Variants in SRBD1 observed in about 807,000 individuals in gnomAD.
SRBD1 encodes S1 RNA-binding domain-containing protein 1.
In SRBD1, 88 loss-of-function variants were observed where a neutral mutation model predicts 115.3. The observed-to-expected ratio is 0.76, with a 90% CI of 0.64 to 0.91. The LOEUF is 0.91. SRBD1 is among the 40% of genes least tolerant of loss of function. SRBD1 has a pLI of 0.00. For synonymous variants in SRBD1, 509 were observed against 407.7 expected (o/e 1.25, Z -2.99); for missense variants, 1,385 against 1,177.4 (o/e 1.18, Z -2.58).
intron 14 of SRBD1, among the ~76,000 whole-genome samples, chr2:45,490,110 C>T (rs551296712): frequency 6.6e-4 from 100 of 152,118 alleles, no homozygotes; most frequent in African/African-American, 9.9e-4. Context: ...ATTTACATTA[C>T]GCTTATCTTC....
At chr2:45,454,083 T>C (rs1463953251) in intron 16 of SRBD1, among the ~76,000 whole-genome samples, 2 of 151,956 alleles carry the variant, frequency 1.3e-5, no homozygotes, top group Admixed American at 1.3e-4. Flanking sequence ...GAAAAAGCGT[T>C]ATCTAGCAGG....
rs184811704 is a variant in SRBD1, at chr2:45,494,292, T to C, written c.1875-5961A>G. 2.3e-3 allele frequency among the ~76,000 whole-genome samples: 357 copies of C among 152,254 alleles called. 2 individuals are homozygous for C. Among genetic ancestry groups the C allele is most frequent in the African/African-American group, 8.4e-3 (348 of 41,572 alleles). Reference sequence around the variant, plus strand: ...TGTTTAAGTTTTTCTGCAATAACCATGTAATACTCATATGTAATCAGAAAA... The same window carrying C: ...TGTTTAAGTTTTTCTGCAATAACCACGTAATACTCATATGTAATCAGAAAA... On this transcript the variant is annotated intron_variant, in intron 14 of 20. Coordinates refer to ENST00000263736, the MANE Select transcript of SRBD1 (RefSeq NM_018079.5).
chr2:45,538,979 G>A (rs1306514847), intron 14 of SRBD1, among the ~76,000 whole-genome samples: 1 of 152,050 alleles, frequency 6.6e-6, no homozygotes, highest in East Asian at 1.9e-4. Flanking sequence ...CACAGGCATA[G>A]ATATCCTGAG....
chr2:45,605,411 G>C lies in SRBD1; in HGVS notation c.31C>G (p.Gln11Glu), dbSNP rs781035636. ...TCTTTCAGTACCACATCCTGGACCT[G>C]TACTTTCGCTCTTCTTGGCAATGAT... MSSLPRRAKV[Q>E]VQDVVLKDEF... The change falls in exon 2 of 21, where the codon CAG (glutamine) becomes GAG (glutamate). Residue 11 changes from glutamine to glutamate, a missense_variant. By Grantham distance (29) the Gln-to-Glu change is conservative. Coordinates refer to ENST00000263736, the MANE Select transcript of SRBD1 (RefSeq NM_018079.5). The C allele has an allele frequency of 6.2e-7, 1 of 1,613,716 alleles. No homozygotes were observed.
At chr2:45,484,534 T>C (rs752155756) in intron 15 of SRBD1, among the ~76,000 whole-genome samples, 5 of 152,166 alleles carry the variant, frequency 3.3e-5, no homozygotes, top group Non-Finnish European at 7.4e-5. Flanking sequence ...AGTAAAAAGA[T>C]AGTTCCTCAA....
At position 45,495,009 on chromosome 2, in the gene SRBD1, C is replaced by T. The variant is rs1186608672; in HGVS notation, c.1875-6678G>A. 2.0e-5 allele frequency among the ~76,000 whole-genome samples: 3 copies of T among 152,160 alleles called. No individual in the cohort carries two copies. The East Asian group carries it at 5.8e-4, about 29-fold the overall frequency. ...AACTCTAGTAGTGGTACAGTTATCA[C>T]ACAGAGGATCCACACCAAGCCTGGG... On this transcript the variant is annotated intron_variant, in intron 14 of 20. Coordinates refer to ENST00000263736, the MANE Select transcript of SRBD1 (RefSeq NM_018079.5).
chr2:45,470,800 T>C (rs1162748712), intron 16 of SRBD1, among the ~76,000 whole-genome samples: 2 of 152,184 alleles, frequency 1.3e-5, no homozygotes, highest in Non-Finnish European at 2.9e-5. Context: ...ATGTTGTCAT[T>C]TGACCACACT....
intron 16 of SRBD1, among the ~76,000 whole-genome samples, chr2:45,445,386 G>A (rs926997706): frequency 1.5e-4 from 23 of 151,012 alleles, no homozygotes; most frequent in African/African-American, 5.6e-4. Flanking sequence ...AATTTAAAAG[G>A]CTGTCAAAAT....
At position 45,602,099 on chromosome 2, in the gene SRBD1, C is replaced by A; in HGVS notation, c.81-16G>T. 1.3e-6 allele frequency: 2 copies of A among 1,593,506 alleles called. No homozygotes were observed. Among genetic ancestry groups the A allele is most frequent in the Non-Finnish European group, 1.7e-6 (2 of 1,170,844 alleles). ...GGCAGATGATCTAGAAGTAAATCAACAGAATAATCTCCAGGAAAAATAAAA... is the reference window on the plus strand; with the variant it reads ...GGCAGATGATCTAGAAGTAAATCAAAAGAATAATCTCCAGGAAAAATAAAA... On this transcript the variant is annotated splice_polypyrimidine_tract_variant and intron_variant, in intron 2 of 20. Coordinates refer to ENST00000263736, the MANE Select transcript of SRBD1 (RefSeq NM_018079.5).
intron 7 of SRBD1, among the ~76,000 whole-genome samples, chr2:45,579,042 A>G (rs10176120): frequency 0.16 from 24,460 of 152,170 alleles, 2,962 homozygotes; most frequent in African/African-American, 0.34. Context: ...GAGACCACCA[A>G]AACATCAATT....
At position 45,573,244 on chromosome 2, in the gene SRBD1, T is replaced by C; in HGVS notation, c.1268A>G (p.His423Arg). 2 of 1,610,832 alleles carry C rather than the reference T, an allele frequency of 1.2e-6. No individual in the cohort carries two copies. Among genetic ancestry groups the C allele is most frequent in the East Asian group, 2.2e-5 (1 of 44,628 alleles). Residue 423 changes from histidine (H) to arginine (R), a missense_variant, in exon 9 of 21, where the codon CAT becomes CGT. Physicochemically the swap from His to Arg is conservative, Grantham distance 29. Coordinates refer to ENST00000263736, the MANE Select transcript of SRBD1 (RefSeq NM_018079.5). ...KDVDKFLLYQ[H>R]FSCNIRNIHH... ...AATGTTTCTTATGTTGCAGGAAAAA[T>C]GCTGGTAGAGCAGAAACTTATCAAC...
At chr2:45,567,966 G>A (rs1291312712) in intron 9 of SRBD1, 1 of 152,166 alleles carries the variant, frequency 6.6e-6, no homozygotes, top group East Asian at 1.9e-4. Context: ...AAGACCCATG[G>A]TGGAGAAGGG....
intron 19 of SRBD1, among the ~76,000 whole-genome samples, chr2:45,404,337 G>A (rs1306314345): frequency 6.6e-6 from 1 of 152,122 alleles, no homozygotes; most frequent in Admixed American, 6.6e-5. Flanking sequence ...AAATTTGGAA[G>A]TAATGTGCTT....
chr2:45,463,107 A>G (rs1455779221), intron 16 of SRBD1, among the ~76,000 whole-genome samples: 1 of 152,108 alleles, frequency 6.6e-6, no homozygotes, highest in East Asian at 1.9e-4. Flanking sequence ...ATCACCAGAA[A>G]GAAAGACAAT....
At chr2:45,602,140 A>T in intron 2 of SRBD1, 57 bp from the exon 3 acceptor site, 1 of 1,545,222 alleles carries the variant, frequency 6.5e-7, no homozygotes, top group Non-Finnish European at 8.7e-7. Context: ...TGTCAAAGGT[A>T]AAAAAGAGAT....
At chr2:45,563,386 C>T (rs969665198) in intron 9 of SRBD1, among the ~76,000 whole-genome samples, 2 of 151,876 alleles carry the variant, frequency 1.3e-5, no homozygotes, top group African/African-American at 2.4e-5. Flanking sequence ...AAAAGAACGA[C>T]TGTCTTAAAA....
chr2:45,419,941 T>G, intron 16 of SRBD1, 47 bp from the exon 17 acceptor site: 1 of 1,529,042 alleles, frequency 6.5e-7, no homozygotes, highest in Non-Finnish European at 9.0e-7. Context: ...GATGTAGTTC[T>G]TGGACTATTC....
chr2:45,459,280 C>G (rs1669243059), intron 16 of SRBD1, among the ~76,000 whole-genome samples: 1 of 152,146 alleles, frequency 6.6e-6, no homozygotes, highest in Non-Finnish European at 1.5e-5. Flanking sequence ...AAATGCCTAT[C>G]TTTCCCTGTG....
At position 45,427,733 on chromosome 2, in the gene SRBD1, G is replaced by A. The variant is rs183440443; in HGVS notation, c.2050-7839C>T. On this transcript the variant is annotated intron_variant, in intron 16 of 20. Coordinates refer to ENST00000263736, the MANE Select transcript of SRBD1 (RefSeq NM_018079.5). Reference sequence around the variant, plus strand: ...ATCCTGAATAAAATACTGGCAAACCGATTCCAGCAGTACATCAAAAAGATT... The same window carrying A: ...ATCCTGAATAAAATACTGGCAAACCAATTCCAGCAGTACATCAAAAAGATT... Among the ~76,000 whole-genome samples, 258 of 152,206 alleles carry A rather than the reference G, an allele frequency of 1.7e-3. 1 individual carries two copies. Among genetic ancestry groups the A allele is most frequent in the African/African-American group, 6.0e-3 (248 of 41,522 alleles).
Sources: allele counts gnomAD v4.1 joint callset (sites outside exome capture counted in the v4.1 genomes callset), GRCh38; gene constraint gnomAD v4.1.1; transcripts MANE v1.5; gene names NCBI Gene and HGNC (gene_info 2026-07-23, HGNC 2026-07-21).